The following RAB33A variants were observed in gnomAD, a reference collection of about 807,000 sequenced individuals.
The protein encoded by RAB33A is ras-related protein Rab-33A.
In RAB33A, 6 loss-of-function variants were observed where a neutral mutation model predicts 12.0. The observed-to-expected ratio is 0.50, with a 90% CI of 0.27 to 0.99. RAB33A has a LOEUF of 0.99. RAB33A is among the 50% of genes least tolerant of loss of function. RAB33A has a pLI of 0.11. For synonymous variants in RAB33A, 70 were observed against 82.4 expected (o/e 0.85, Z 0.81); for missense variants, 109 against 192.0 (o/e 0.57, Z 2.55).
upstream of RAB33A, among the ~76,000 whole-genome samples, chrX:130,168,630 A>T (rs1277296370): frequency 3.6e-5 from 4 of 111,654 alleles, no homozygotes; most frequent in African/African-American, 9.8e-5. Flanking sequence ...GGCTCAAGCA[A>T]TCCTGCTGCC....
intron 1 of RAB33A, among the ~76,000 whole-genome samples, 171 bp downstream of exon 1, chrX:130,172,491 C>T (rs1329587652): frequency 8.9e-6 from 1 of 112,081 alleles, no homozygotes; most frequent in Admixed American, 9.4e-5. Context: ...TCAGCGGGGC[C>T]CCGTCCCCAC....
intron 1 of RAB33A, among the ~76,000 whole-genome samples, chrX:130,178,756 A>G (rs1408461464): frequency 1.8e-5 from 2 of 108,733 alleles, no homozygotes; most frequent in African/African-American, 6.7e-5. Flanking sequence ...GGTTCACGCC[A>G]TTCTCCTGTC....
the RAB33A span, among the ~76,000 whole-genome samples, chrX:130,120,365 T>G: frequency 8.9e-6 from 1 of 111,767 alleles, no homozygotes; most frequent in African/African-American, 3.2e-5. Context: ...AGTCTCAGGC[T>G]GCGCCCCAGC....
chrX:130,174,489 C>G (rs996894805), intron 1 of RAB33A, among the ~76,000 whole-genome samples: 1 of 112,137 alleles, frequency 8.9e-6, no homozygotes, highest in African/African-American at 3.2e-5. Flanking sequence ...GCGGCTAGCA[C>G]GTGATCTAGA....
intron 1 of RAB33A, among the ~76,000 whole-genome samples, chrX:130,178,479 A>T (rs1474832709): frequency 1.8e-5 from 2 of 108,640 alleles, no homozygotes; most frequent in Non-Finnish European, 3.8e-5. Flanking sequence ...AAATACAAAA[A>T]TTAGCCGGGT....
chrX:130,180,795 G>T (rs1188638009), intron 1 of RAB33A, among the ~76,000 whole-genome samples: 4 of 105,444 alleles, frequency 3.8e-5, no homozygotes, highest in Admixed American at 1.0e-4. Context: ...GTTACCTAAG[G>T]TCAGGAGTTT....
At chrX:130,160,054 TA>T in the RAB33A span, among the ~76,000 whole-genome samples, 3 of 111,090 alleles carry the variant, frequency 2.7e-5, no homozygotes, top group African/African-American at 9.8e-5. Context: ...AAATTGACTT[TA>T]AAAAAAAGTA....
chrX:130,165,174 G>A, the RAB33A span, among the ~76,000 whole-genome samples: 1 of 102,546 alleles, frequency 9.8e-6, no homozygotes, highest in Non-Finnish European at 1.9e-5. Context: ...TAGGCGTAGG[G>A]CTTAAACGTC....
the RAB33A span, chrX:130,137,019 T>C: frequency 1.7e-6 from 2 of 1,210,495 alleles, no homozygotes; most frequent in South Asian, 1.8e-5. Context: ...GAAGCGAAGT[T>C]TGCCTTAGGT....
chrX:130,120,674 G>A, the RAB33A span, among the ~76,000 whole-genome samples: 1 of 112,403 alleles, frequency 8.9e-6, no homozygotes, highest in South Asian at 3.6e-4. Context: ...CGGCCGCGGG[G>A]CTGATCTCCG....
the RAB33A span, among the ~76,000 whole-genome samples, chrX:130,120,215 TTTTG>T: frequency 9.1e-6 from 1 of 110,207 alleles, no homozygotes; most frequent in African/African-American, 3.4e-5. Context: ...TAGTTTTTTG[TTTTG>T]TTTTTTTGTT....
At chrX:130,145,625 C>T in the RAB33A span, 20 of 940,801 alleles carry the variant, frequency 2.1e-5, no homozygotes, top group Non-Finnish European at 2.9e-5. Context: ...TATCAGCTTC[C>T]CCCGTAGCTT....
upstream of RAB33A, chrX:130,171,935 G>C (rs2031611854): frequency 1.2e-6 from 1 of 818,805 alleles, no homozygotes; most frequent in South Asian, 2.8e-5. Flanking sequence ...CGCACACACG[G>C]GCGGACACAC....
At chrX:130,135,082 CTT>C in the RAB33A span, among the ~76,000 whole-genome samples, 5 of 100,625 alleles carry the variant, frequency 5.0e-5, no homozygotes, top group Admixed American at 1.1e-4. Flanking sequence ...CCACATATTA[CTT>C]TTTTTTTTTT....
the RAB33A span, among the ~76,000 whole-genome samples, chrX:130,148,191 G>A: frequency 3.6e-5 from 4 of 111,939 alleles, no homozygotes; most frequent in African/African-American, 1.3e-4. Flanking sequence ...ACATCAGTAG[G>A]CTTTTGCCCT....
chrX:130,114,864 C>T, the RAB33A span, among the ~76,000 whole-genome samples: 1 of 112,059 alleles, frequency 8.9e-6, no homozygotes, highest in Non-Finnish European at 1.9e-5. Flanking sequence ...TGCAGTGGTA[C>T]AATCATAGCT....
chrX:130,145,514 C>T, the RAB33A span: 2 of 1,208,575 alleles, frequency 1.7e-6, no homozygotes, highest in African/African-American at 1.8e-5. Context: ...CCACCATTCT[C>T]AATATGAGGC....
chrX:130,115,303 T>C, the RAB33A span, among the ~76,000 whole-genome samples: 6 of 111,265 alleles, frequency 5.4e-5, no homozygotes, highest in Non-Finnish European at 1.1e-4. Context: ...CATACCACCA[T>C]GGACACATAC....
the RAB33A span, among the ~76,000 whole-genome samples, chrX:130,116,408 C>T: frequency 8.9e-6 from 1 of 111,862 alleles, no homozygotes; most frequent in African/African-American, 3.2e-5. Flanking sequence ...ATTCTCCTGC[C>T]TCAGCCTCTC....
Sources: gnomAD v4.1 joint callset for allele counts (sites outside exome capture counted in the v4.1 genomes callset) on GRCh38, gnomAD v4.1.1 for gene constraint, MANE v1.5 for transcripts, NCBI Gene and HGNC (gene_info 2026-07-23, HGNC 2026-07-21) for gene names.